The following TMEM132C variants were observed in gnomAD, a reference collection of about 807,000 sequenced individuals.
The protein encoded by TMEM132C is protein phosphatase 1, regulatory subunit 152.
A neutral mutation model predicts 61.4 loss-of-function variants in TMEM132C; 29 were observed. That is an observed-to-expected ratio of 0.47 (90% CI 0.35 to 0.64). TMEM132C has a LOEUF of 0.64. TMEM132C is among the 30% of genes least tolerant of loss of function. The pLI is 0.00. For synonymous variants in TMEM132C, 656 were observed against 633.1 expected (o/e 1.04, Z -0.54); for missense variants, 1,408 against 1,476.9 (o/e 0.95, Z 0.76).
intron 1 of TMEM132C, among the ~76,000 whole-genome samples, chr12:128,270,531 G>C (rs1311614705): frequency 1.3e-5 from 2 of 152,142 alleles, no homozygotes. Flanking sequence ...GTGCTTTAGG[G>C]GTTTTGGGTT....
intron 2 of TMEM132C, among the ~76,000 whole-genome samples, chr12:128,463,794 A>G (rs180980711): frequency 6.8e-6 from 1 of 148,092 alleles, no homozygotes; most frequent in East Asian, 2.0e-4. Flanking sequence ...TGCCTTCCCT[A>G]CTCCCTCCCT....
At chr12:128,272,947 T>C (rs991660650) in intron 1 of TMEM132C, among the ~76,000 whole-genome samples, 3 of 152,228 alleles carry the variant, frequency 2.0e-5, no homozygotes, top group African/African-American at 4.8e-5. Context: ...TCTCTGAGTA[T>C]GTGTCTTTGG....
intron 2 of TMEM132C, among the ~76,000 whole-genome samples, chr12:128,434,574 C>A (rs1481984917): frequency 6.6e-6 from 1 of 151,854 alleles, no homozygotes; most frequent in Non-Finnish European, 1.5e-5. Context: ...AGGTGTGAGC[C>A]ACCGCACCTG....
At chr12:128,359,189 G>A (rs956120584) in intron 1 of TMEM132C, among the ~76,000 whole-genome samples, 1 of 152,170 alleles carries the variant, frequency 6.6e-6, no homozygotes, top group Non-Finnish European at 1.5e-5. Flanking sequence ...TTCTCCTGCT[G>A]CTAATAAAGA....
chr12:128,588,044 C>T (rs1875614547), intron 3 of TMEM132C, among the ~76,000 whole-genome samples: 1 of 152,084 alleles, frequency 6.6e-6, no homozygotes, highest in Admixed American at 6.6e-5. Flanking sequence ...CTTGTAACAC[C>T]CTAGGACAGA....
intron 2 of TMEM132C, among the ~76,000 whole-genome samples, chr12:128,473,499 T>TTATCTTC (rs1871047652): frequency 7.4e-5 from 5 of 67,860 alleles, no homozygotes; most frequent in South Asian, 1.0e-3. Flanking sequence ...TCTTCATCCT[T>TTATCTTC]ACTCCAGCCT....
intron 1 of TMEM132C, among the ~76,000 whole-genome samples, chr12:128,363,783 T>G (rs1593025653): frequency 7.1e-6 from 1 of 141,558 alleles, no homozygotes; most frequent in African/African-American, 2.7e-5. Context: ...AGGCGGAGGG[T>G]GCAGTGAGCC....
chr12:128,525,811 G>A lies in TMEM132C; in HGVS notation c.975-18146G>A, dbSNP rs920191616. Among the ~76,000 whole-genome samples the A allele has an allele frequency of 1.8e-4, 28 of 152,186 alleles. 1 individual carries two copies. On this transcript the variant is annotated intron_variant, in intron 2 of 8. Coordinates refer to ENST00000435159, the MANE Select transcript of TMEM132C (RefSeq NM_001136103.3). Reference sequence around the variant, plus strand: ...CAACTCCTGGCCTGCCTTGGGTGCAGCAGTGCAATTGGCTGCTGATGTCAC... The same window carrying A: ...CAACTCCTGGCCTGCCTTGGGTGCAACAGTGCAATTGGCTGCTGATGTCAC...
At chr12:128,422,081 T>C (rs994634234) in intron 2 of TMEM132C, among the ~76,000 whole-genome samples, 2 of 152,170 alleles carry the variant, frequency 1.3e-5, no homozygotes, top group Non-Finnish European at 2.9e-5. Context: ...AGAGAAAGCA[T>C]AGGCATTATT....
chr12:128,335,897 C>T (rs1214227494), intron 1 of TMEM132C, among the ~76,000 whole-genome samples: 1 of 152,192 alleles, frequency 6.6e-6, no homozygotes, highest in Non-Finnish European at 1.5e-5. Flanking sequence ...ATCTCTTTCT[C>T]TCTCATAATT....
chr12:128,671,413 T>C (rs1566010510), intron 5 of TMEM132C, among the ~76,000 whole-genome samples: 1 of 152,158 alleles, frequency 6.6e-6, no homozygotes, highest in Non-Finnish European at 1.5e-5. Flanking sequence ...AAATGAAGCA[T>C]TTTGTCTCTC....
chr12:128,467,031 G>A (rs559616313), intron 2 of TMEM132C, among the ~76,000 whole-genome samples: 25 of 152,282 alleles, frequency 1.6e-4, no homozygotes, highest in African/African-American at 5.8e-4. Context: ...GGGGCTTTCA[G>A]GTGAAGGTCA....
chr12:128,621,921 C>T (rs557162490), intron 4 of TMEM132C, among the ~76,000 whole-genome samples: 15 of 152,262 alleles, frequency 9.9e-5, no homozygotes, highest in African/African-American at 3.6e-4. Flanking sequence ...TTACAACACT[C>T]CCTCCAGTTA....
At chr12:128,634,597 T>C (rs1396541415) in intron 4 of TMEM132C, among the ~76,000 whole-genome samples, 1 of 152,252 alleles carries the variant, frequency 6.6e-6, no homozygotes, top group Non-Finnish European at 1.5e-5. Context: ...ACATGATGCC[T>C]GCTATGTGAG....
chr12:128,433,490 G>T (rs1373496428), intron 2 of TMEM132C, among the ~76,000 whole-genome samples: 2 of 152,130 alleles, frequency 1.3e-5, no homozygotes, highest in Admixed American at 6.5e-5. Flanking sequence ...AAATTATCCT[G>T]CCTCAGTTTA....
chr12:128,632,777 A>G (rs1445902405), intron 4 of TMEM132C, among the ~76,000 whole-genome samples: 1 of 152,196 alleles, frequency 6.6e-6, no homozygotes, highest in Non-Finnish European at 1.5e-5. Context: ...TTCTAGGCAA[A>G]GGCTTCTCCT....
At chr12:128,288,104 G>A (rs1490900351) in intron 1 of TMEM132C, 1 of 151,204 alleles carries the variant, frequency 6.6e-6, no homozygotes, top group Non-Finnish European at 1.5e-5. Flanking sequence ...TGTTGCCCAG[G>A]CTGGAGGGCA....
At chr12:128,604,555 GGATA>G (rs1391316502) in intron 3 of TMEM132C, among the ~76,000 whole-genome samples, 6 of 147,638 alleles carry the variant, frequency 4.1e-5, no homozygotes, top group Admixed American at 1.3e-4. Flanking sequence ...GATAATAGAT[GGATA>G]GATAGATGAT....
chr12:128,468,189 C>G (rs12306633), intron 2 of TMEM132C, among the ~76,000 whole-genome samples: 1 of 152,030 alleles, frequency 6.6e-6, no homozygotes, highest in South Asian at 2.1e-4. Flanking sequence ...ACACCAACCC[C>G]GGGGTGACAA....
Sources: gnomAD v4.1 joint callset for allele counts (sites outside exome capture counted in the v4.1 genomes callset) on GRCh38, gnomAD v4.1.1 for gene constraint, MANE v1.5 for transcripts, NCBI Gene and HGNC (gene_info 2026-07-23, HGNC 2026-07-21) for gene names.